The following PRKD1 variants were observed in gnomAD, a reference collection of about 807,000 sequenced individuals.
The protein encoded by PRKD1 is serine/threonine-protein kinase D1.
In PRKD1, 63 loss-of-function variants were observed where a neutral mutation model predicts 95.9. The ratio of observed to expected loss-of-function variants is 0.66; its 90% CI spans 0.54 to 0.81. The LOEUF (loss-of-function observed/expected upper bound fraction) is 0.81, where lower values mean the gene tolerates loss of function less well. Among genes scored for constraint, PRKD1 ranks in the 30% least tolerant of loss-of-function variants. The probability of loss-of-function intolerance (pLI) is 0.00; values close to 1 mark genes in which losing one functional copy is unlikely to be tolerated. For missense variants in PRKD1, 1,048 were observed against 1,165.3 expected (o/e 0.90, Z 1.47); for synonymous variants, 425 against 423.1 (o/e 1.00, Z -0.05).
chr14:29,708,271 T>C (rs576061964), intron 2 of PRKD1, among the ~76,000 whole-genome samples: 1 of 152,248 alleles, frequency 6.6e-6, no homozygotes, highest in South Asian at 2.1e-4. Context: ...ATTGACTATT[T>C]AAAGGATGAC....
chr14:29,612,362 A>C (rs1878527483), intron 13 of PRKD1, among the ~76,000 whole-genome samples: 2 of 152,184 alleles, frequency 1.3e-5, no homozygotes, highest in Admixed American at 1.3e-4. Context: ...TTGATGAAAA[A>C]ATGTGTTTTC....
chr14:29,825,025 T>C lies in PRKD1; in HGVS notation c.265-99351A>G, dbSNP rs1464919244. Among the ~76,000 whole-genome samples, 11 of 152,112 alleles carry C rather than the reference T, an allele frequency of 7.2e-5. No homozygotes were observed. The East Asian group carries it at 7.7e-4, about 11-fold the overall frequency. On this transcript the variant is annotated intron_variant, in intron 1 of 17. Transcript: ENST00000331968. ...ATTAATGCTGTATTTCATGGAAGGATTGGAATATCCACGCTTCAAATTTTT... is the reference window on the plus strand; with the variant it reads ...ATTAATGCTGTATTTCATGGAAGGACTGGAATATCCACGCTTCAAATTTTT...
At chr14:29,633,444 TG>T (rs1349254865) in intron 8 of PRKD1, among the ~76,000 whole-genome samples, 1 of 152,214 alleles carries the variant, frequency 6.6e-6, no homozygotes, top group Non-Finnish European at 1.5e-5. Context: ...AATATTTTGT[TG>T]GACAATAAGT....
chr14:29,811,011 A>T (rs1231491092), intron 1 of PRKD1, among the ~76,000 whole-genome samples: 1 of 152,208 alleles, frequency 6.6e-6, no homozygotes. Context: ...GATTTGAAGC[A>T]AATATAGGAT....
At chr14:29,624,598 C>A (rs893579745) in intron 12 of PRKD1, among the ~76,000 whole-genome samples, 3 of 151,948 alleles carry the variant, frequency 2.0e-5, no homozygotes, top group Admixed American at 2.0e-4. Flanking sequence ...AATTAACTCC[C>A]CTTTAGAAAG....
intron 4 of PRKD1, among the ~76,000 whole-genome samples, chr14:29,651,616 CCTT>C (rs3065263): frequency 0.014 from 2,165 of 151,778 alleles, 55 homozygotes; most frequent in African/African-American, 0.049. Context: ...TCTCCTCTCT[CCTT>C]CTCATTATTA....
At chr14:29,732,721 T>C (rs1243062359) in intron 1 of PRKD1, among the ~76,000 whole-genome samples, 1 of 152,168 alleles carries the variant, frequency 6.6e-6, no homozygotes, top group East Asian at 1.9e-4. Flanking sequence ...ATTTTTGTTG[T>C]ATATAGAGTT....
At chr14:29,801,559 T>C (rs562159880) in intron 1 of PRKD1, among the ~76,000 whole-genome samples, 31 of 152,372 alleles carry the variant, frequency 2.0e-4, no homozygotes, top group African/African-American at 7.0e-4. Flanking sequence ...AACCTCAATA[T>C]GCTTATTAAA....
chr14:29,903,283 C>T (rs1894383025), intron 1 of PRKD1, among the ~76,000 whole-genome samples: 1 of 152,170 alleles, frequency 6.6e-6, no homozygotes, highest in Admixed American at 6.5e-5. Flanking sequence ...AATGGCATCA[C>T]CACAAATCAT....
At chr14:29,786,655 C>T (rs1459890684) in intron 1 of PRKD1, among the ~76,000 whole-genome samples, 1 of 151,998 alleles carries the variant, frequency 6.6e-6, no homozygotes, top group Non-Finnish European at 1.5e-5. Context: ...CTCCAATGAT[C>T]CTTTGTATTT....
In PRKD1 at chr14:29,697,174, C is replaced by CA. The variant is rs1341174474; in HGVS notation, c.403+28361dup. Reference sequence around the variant, plus strand: ...ATGTCAAAACATAGTAAAAAAAAAACAAACAAACAAACACCACCACCACCA... The same window carrying CA: ...ATGTCAAAACATAGTAAAAAAAAAACAAAACAAACAAACACCACCACCACCA... On this transcript the variant is annotated intron_variant, in intron 2 of 17. Transcript: ENST00000331968. Among the ~76,000 whole-genome samples, 210 of 149,784 alleles carry CA rather than the reference C, an allele frequency of 1.4e-3. 4 individuals are homozygous for CA. The highest frequency in any genetic ancestry group is 3.9e-4 in the East Asian group (2 of 5,118).
At chr14:29,712,563 C>CT (rs1326316140) in intron 2 of PRKD1, among the ~76,000 whole-genome samples, 1 of 152,120 alleles carries the variant, frequency 6.6e-6, no homozygotes, top group Admixed American at 6.6e-5. Flanking sequence ...TATGTGTCAA[C>CT]TTTAAGCCTG....
chr14:29,868,589 T>C (rs1892993057), intron 1 of PRKD1, among the ~76,000 whole-genome samples: 1 of 152,148 alleles, frequency 6.6e-6, no homozygotes, highest in African/African-American at 2.4e-5. Flanking sequence ...CATAAACTTA[T>C]ATAATAGAGG....
Position 29,589,728 on chromosome 14 carries a change from C to T in PRKD1, c.2434+7763G>A, listed in dbSNP as rs905885335. ...CTATTTACTCCATTTATCTTTCATG[C>T]CATGCCCTTTTATTTTTATTAGCTT... On this transcript the variant is annotated intron_variant, in intron 16 of 17. Coordinates refer to ENST00000331968, the MANE Select transcript of PRKD1 (RefSeq NM_002742.3). 2.6e-5 allele frequency among the ~76,000 whole-genome samples: 4 copies of T among 152,102 alleles called. No individual in the cohort carries two copies. In the East Asian group the frequency reaches 5.8e-4, roughly 22 times the overall value.
intron 1 of PRKD1, among the ~76,000 whole-genome samples, chr14:29,893,244 A>T (rs1426622326): frequency 6.6e-6 from 1 of 152,124 alleles, no homozygotes. Context: ...AGATTTCCAA[A>T]TATTTAATAC....
intron 1 of PRKD1, among the ~76,000 whole-genome samples, chr14:29,780,751 A>G (rs1037697192): frequency 2.6e-5 from 4 of 152,172 alleles, no homozygotes; most frequent in Admixed American, 2.0e-4. Flanking sequence ...AGGATCTAGA[A>G]CTAGAAATAC....
intron 1 of PRKD1, among the ~76,000 whole-genome samples, chr14:29,828,972 G>GC (rs1018275571): frequency 8.1e-4 from 124 of 152,320 alleles, no homozygotes; most frequent in African/African-American, 2.8e-3. Context: ...TTTTTGGAGT[G>GC]CTCCCTCTTG....
chr14:29,719,462 C>G (rs778910808), intron 2 of PRKD1, among the ~76,000 whole-genome samples: 1 of 152,152 alleles, frequency 6.6e-6, no homozygotes, highest in African/African-American at 2.4e-5. Context: ...AATATAAACT[C>G]TTACTGCAAT....
At chr14:29,875,641 A>T (rs1352309434) in intron 1 of PRKD1, among the ~76,000 whole-genome samples, 1 of 152,208 alleles carries the variant, frequency 6.6e-6, no homozygotes, top group East Asian at 1.9e-4. Flanking sequence ...CTAAAGGCAA[A>T]CAACAATTTA....
Sources: allele counts gnomAD v4.1 joint callset (sites outside exome capture counted in the v4.1 genomes callset), GRCh38; gene constraint gnomAD v4.1.1; transcripts MANE v1.5; gene names NCBI Gene and HGNC (gene_info 2026-07-23, HGNC 2026-07-21).